Variants in EVC2 observed in about 807,000 individuals in gnomAD.
EVC2 encodes limbin.
Under a neutral mutation model 149.3 loss-of-function variants are expected in EVC2, and 148 were observed. The ratio of observed to expected loss-of-function variants is 0.99; its 90% CI spans 0.87 to 1.14. The LOEUF is 1.14. Ranked by LOEUF, EVC2 falls within the 50% of genes most tolerant of loss-of-function variation. EVC2 has a pLI of 0.00. For synonymous variants in EVC2, 776 were observed against 649.9 expected (o/e 1.19, Z -2.95); for missense variants, 1,854 against 1,627.3 (o/e 1.14, Z -2.40).
At chr4:5,687,149 T>A (rs1314625043) in intron 5 of EVC2, among the ~76,000 whole-genome samples, 1 of 151,862 alleles carries the variant, frequency 6.6e-6, no homozygotes. Context: ...CCCAGCTACT[T>A]GGGAGGCTGA....
intron 21 of EVC2, among the ~76,000 whole-genome samples, chr4:5,555,344 A>C (rs1373801173): frequency 2.0e-5 from 3 of 152,228 alleles, no homozygotes; most frequent in African/African-American, 7.2e-5. Flanking sequence ...GACTAAAAAC[A>C]TCTATTAGAG....
intron 9 of EVC2, among the ~76,000 whole-genome samples, chr4:5,661,855 T>G (rs191134791): frequency 7.9e-5 from 12 of 152,324 alleles, no homozygotes; most frequent in African/African-American, 9.6e-5. Flanking sequence ...ACTTAACCTC[T>G]CTCCAGTTCT....
intron 5 of EVC2, among the ~76,000 whole-genome samples, chr4:5,687,785 A>G (rs1720825221): frequency 6.6e-6 from 1 of 152,138 alleles, no homozygotes; most frequent in Admixed American, 6.5e-5. Context: ...CGGGGAAATG[A>G]GATGAGAGAC....
intron 1 of EVC2, among the ~76,000 whole-genome samples, chr4:5,699,704 C>T (rs1286955624): frequency 6.6e-6 from 1 of 151,766 alleles, no homozygotes; most frequent in Non-Finnish European, 1.5e-5. Flanking sequence ...GCCTATACTC[C>T]CAGCTACTTG....
intron 7 of EVC2, among the ~76,000 whole-genome samples, chr4:5,671,173 A>C (rs893453029): frequency 3.6e-5 from 5 of 140,768 alleles, no homozygotes; most frequent in Non-Finnish European, 6.2e-5. Flanking sequence ...TTGTAGAAAA[A>C]AGTTTTTAAA....
rs1256732896 is a variant in EVC2 at position 5,576,970 on chromosome 4, G to T, written c.3058-516C>A. Among the ~76,000 whole-genome samples the T allele has an allele frequency of 6.6e-6, 1 of 152,212 alleles. No individual in the cohort carries two copies. The highest frequency in any genetic ancestry group is 1.9e-4 in the East Asian group (1 of 5,194). ...GGCACCTGTCACTGCATATGGTGGG[G>T]TATCTGCATGCACCCGGCATGGACG... On this transcript the variant is annotated intron_variant, in intron 17 of 21. Transcript: ENST00000344408. This position sits in a 1 kb window ranked among gnomAD's most constrained non-coding sequence, Gnocchi z 4.5.
chr4:5,529,027 T>C, the EVC2 span, among the ~76,000 whole-genome samples: 1 of 152,152 alleles, frequency 6.6e-6, no homozygotes, highest in African/African-American at 2.4e-5. This position sits in a 1 kb window ranked among gnomAD's most constrained non-coding sequence, Gnocchi z 4.5. Flanking sequence ...CAAGGATATA[T>C]ATATAGCTTA....
intron 17 of EVC2, among the ~76,000 whole-genome samples, chr4:5,583,083 T>C (rs894372840): frequency 6.6e-6 from 1 of 150,878 alleles, no homozygotes; most frequent in Middle Eastern, 3.4e-3. Flanking sequence ...AACAGACTAA[T>C]ATAAAGACAT....
At position 5,576,448 on chromosome 4, in the gene EVC2, G is replaced by A; in HGVS notation, c.3064C>T (p.Gln1022Ter). The change falls in exon 18 of 22, where the codon CAG becomes TAG. Residue 1022 changes from glutamine to a stop codon, truncating the protein, a stop_gained. Transcript: ENST00000344408. LOFTEE classifies it high-confidence loss of function. The surrounding 1 kb of genome is among the most constrained non-coding windows in gnomAD (Gnocchi z 4.5). ...TCCTCCAGCTTCCTCTCCAACTCCT[G>A]GAGCTCCTACACAAGGAAGGGGCAG... ...QILESHSRELQELERKLEDQL... is the reference protein window; with the variant it reads ...QILESHSREL 3.1e-6 allele frequency: 5 copies of A among 1,594,842 alleles called. No homozygotes were observed. The highest frequency in any genetic ancestry group is 4.3e-6 in the Non-Finnish European group (5 of 1,170,962).
intron 16 of EVC2, among the ~76,000 whole-genome samples, chr4:5,596,449 C>A (rs919998471): frequency 6.6e-6 from 1 of 152,156 alleles, no homozygotes; most frequent in Non-Finnish European, 1.5e-5. Context: ...GGAAACTGAA[C>A]AACCTGCTCC....
Position 5,637,191 on chromosome 4 carries a change from G to C in EVC2, c.1470+3323C>G, listed in dbSNP as rs943825993. Among the ~76,000 whole-genome samples the C allele has an allele frequency of 4.6e-5, 7 of 152,200 alleles. No individual in the cohort carries two copies. The highest frequency in any genetic ancestry group is 1.7e-4 in the African/African-American group (7 of 41,452). ...ATCCTCATGCTCTCCGCATAAAAAA[G>C]CATTGCCCCAGGCAGTCTTTTGATA... On this transcript the variant is annotated intron_variant, in intron 10 of 21. Coordinates refer to ENST00000344408, the MANE Select transcript of EVC2 (RefSeq NM_147127.5). The surrounding 1 kb of genome is among the most constrained non-coding windows in gnomAD (Gnocchi z 4.4).
At chr4:5,597,390 C>G (rs1433245306) in intron 16 of EVC2, among the ~76,000 whole-genome samples, 1 of 152,158 alleles carries the variant, frequency 6.6e-6, no homozygotes, top group East Asian at 1.9e-4. Context: ...GGCTTCATCC[C>G]TGGGATGGAA....
chr4:5,685,801 A>T (rs960741553), intron 5 of EVC2, among the ~76,000 whole-genome samples: 1 of 152,144 alleles, frequency 6.6e-6, no homozygotes, highest in Non-Finnish European at 1.5e-5. Context: ...AGCGCACCTC[A>T]TCCCATAGGT....
In EVC2 at chr4:5,622,009, G is replaced by A. The variant is rs1364893425; in HGVS notation, c.2501+528C>T. 6.6e-6 allele frequency among the ~76,000 whole-genome samples: 1 copy of A among 152,058 alleles called. No homozygotes were observed. The highest frequency in any genetic ancestry group is 1.5e-5 in the Non-Finnish European group (1 of 68,010). ...CCGAGAAATGGACCAGGGATGAAAG[G>A]GCCAGGTGAAAAGATGATGCAGTGT... On this transcript the variant is annotated intron_variant, in intron 14 of 21. Coordinates refer to ENST00000344408, the MANE Select transcript of EVC2 (RefSeq NM_147127.5). The surrounding 1 kb of genome is among the most constrained non-coding windows in gnomAD (Gnocchi z 5.8).
At chr4:5,684,412 T>C (rs1327273081) in intron 6 of EVC2, among the ~76,000 whole-genome samples, 1 of 152,214 alleles carries the variant, frequency 6.6e-6, no homozygotes, top group East Asian at 1.9e-4. Context: ...CTGATTCTGT[T>C]ATGTGACCTG....
intron 2 of EVC2, among the ~76,000 whole-genome samples, chr4:5,695,741 C>G (rs1721435385): frequency 6.6e-6 from 1 of 152,192 alleles, no homozygotes; most frequent in Admixed American, 6.5e-5. Context: ...CAACATTTGT[C>G]TTTTATTCAA....
chr4:5,558,964 G>A (rs4276239), downstream of EVC2, among the ~76,000 whole-genome samples: 78,154 of 151,406 alleles, frequency 0.52, 22,291 homozygotes, highest in Non-Finnish European at 0.66. Flanking sequence ...AGACCAAGGC[G>A]GGAGGATCAT....
chr4:5,708,427 G>A lies in EVC2; in HGVS notation c.87C>T (p.Gly29=), dbSNP rs2151750094. 1.3e-6 allele frequency: 2 copies of A among 1,504,346 alleles called. No individual in the cohort carries two copies. Among genetic ancestry groups the A allele is most frequent in the South Asian group, 2.5e-5 (2 of 80,950 alleles). 93.2% of individuals were successfully genotyped at this position (1,504,346 alleles called of 1,614,324 possible). The change falls in exon 1 of 22, where the codon GGC becomes GGT. Residue 29 remains glycine, a synonymous_variant. Coordinates refer to ENST00000344408, the MANE Select transcript of EVC2 (RefSeq NM_147127.5). ...GGGGACGTGAGCTGGCGCCGAGACAGCCTCGGCCCCCCAGCGCCAGGGCCA... is the reference window on the plus strand; with the variant it reads ...GGGGACGTGAGCTGGCGCCGAGACAACCTCGGCCCCCCAGCGCCAGGGCCA... ...LAVALALGGR[G]CLGASSRPRW... is the part of the protein sequence containing the mutation.
At chr4:5,529,519 T>C in the EVC2 span, among the ~76,000 whole-genome samples, 2 of 152,180 alleles carry the variant, frequency 1.3e-5, no homozygotes, top group South Asian at 4.1e-4. This position sits in a 1 kb window ranked among gnomAD's most constrained non-coding sequence, Gnocchi z 4.5. Context: ...CCAATAAATA[T>C]TGTGAAATAT....
Sources: gnomAD v4.1 joint callset for allele counts (sites outside exome capture counted in the v4.1 genomes callset) on GRCh38, gnomAD v4.1.1 for gene constraint, Gnocchi (gnomAD v3.1) non-coding constraint, MANE v1.5 for transcripts, NCBI Gene and HGNC (gene_info 2026-07-23, HGNC 2026-07-21) for gene names.